The following MACROD2 variants were observed in gnomAD, a reference collection of about 807,000 sequenced individuals.
MACROD2 encodes the protein ADP-ribose glycohydrolase MACROD2.
A neutral mutation model predicts 70.4 loss-of-function variants in MACROD2; 36 were observed. The observed-to-expected ratio is 0.51, with a 90% CI of 0.39 to 0.68. The LOEUF is 0.68. Among genes scored for constraint, MACROD2 ranks in the 30% least tolerant of loss-of-function variants. The probability of loss-of-function intolerance (pLI) is 0.00; values close to 1 mark genes in which losing one functional copy is unlikely to be tolerated. For missense variants in MACROD2, 496 were observed against 538.4 expected, an observed-to-expected ratio of 0.92 and a Z score of 0.78; for synonymous variants, 172 against 178.8, an observed-to-expected ratio of 0.96 and a Z score of 0.30.
At chr20:15,578,072 G>A (rs1309875773) in intron 8 of MACROD2, among the ~76,000 whole-genome samples, 74 of 152,188 alleles carry the variant, frequency 4.9e-4, no homozygotes, top group Non-Finnish European at 5.9e-5. Flanking sequence ...AACTTTGTAT[G>A]TTTTTGTAGT....
intron 3 of MACROD2, among the ~76,000 whole-genome samples, chr20:14,175,448 A>C (rs2081255884): frequency 6.6e-6 from 1 of 152,000 alleles, no homozygotes; most frequent in South Asian, 2.1e-4. Flanking sequence ...TGAAGTGTGG[A>C]GGGAGGGAAA....
At chr20:15,245,890 TA>T (rs1214595892) in intron 6 of MACROD2, among the ~76,000 whole-genome samples, 4 of 152,348 alleles carry the variant, frequency 2.6e-5, no homozygotes, top group African/African-American at 9.6e-5. Flanking sequence ...TGCACTTTTC[TA>T]ACAGCCTATG....
chr20:15,947,283 C>T (rs1315778037), intron 12 of MACROD2, among the ~76,000 whole-genome samples: 4 of 152,204 alleles, frequency 2.6e-5, no homozygotes, highest in African/African-American at 9.6e-5. Flanking sequence ...CTTTCCCATC[C>T]CACAAGGCCA....
chr20:15,327,267 T>G (rs1207390646), intron 6 of MACROD2, among the ~76,000 whole-genome samples: 1 of 152,162 alleles, frequency 6.6e-6, no homozygotes, highest in Non-Finnish European at 1.5e-5. Flanking sequence ...ATAAGAATAT[T>G]CCCTTTTTCT....
At chr20:14,687,357 A>G (rs1352127927) in intron 5 of MACROD2, among the ~76,000 whole-genome samples, 1 of 152,168 alleles carries the variant, frequency 6.6e-6, no homozygotes, top group African/African-American at 2.4e-5. Context: ...CACTGTGATA[A>G]TTTTTTAAAT....
intron 5 of MACROD2, among the ~76,000 whole-genome samples, chr20:14,913,520 C>T (rs1021831648): frequency 2.0e-5 from 3 of 151,936 alleles, no homozygotes; most frequent in Non-Finnish European, 4.4e-5. Context: ...GACTCCGTCT[C>T]AACAAAAAAT....
At chr20:14,835,886 C>T (rs888032686) in intron 5 of MACROD2, among the ~76,000 whole-genome samples, 7 of 151,940 alleles carry the variant, frequency 4.6e-5, no homozygotes, top group African/African-American at 1.2e-4. Flanking sequence ...TACACTCTTC[C>T]GCATGTAGCT....
At chr20:14,239,312 A>T (rs1393938209) in intron 3 of MACROD2, among the ~76,000 whole-genome samples, 3 of 152,244 alleles carry the variant, frequency 2.0e-5, no homozygotes, top group Non-Finnish European at 4.4e-5. Context: ...AGCAATTTAC[A>T]GATTCAATGC....
intron 5 of MACROD2, among the ~76,000 whole-genome samples, chr20:14,891,009 TCCTA>T (rs1300826368): frequency 7.0e-5 from 7 of 100,054 alleles, no homozygotes; most frequent in East Asian, 3.0e-4. Flanking sequence ...CTCCCTCCCT[TCCTA>T]CCTTCCTTCC....
At chr20:14,692,248 T>C (rs1244569208) in intron 5 of MACROD2, among the ~76,000 whole-genome samples, 1 of 152,192 alleles carries the variant, frequency 6.6e-6, no homozygotes, top group Non-Finnish European at 1.5e-5. Context: ...TGAGGGCCAT[T>C]GCCCTAGAGA....
intron 3 of MACROD2, among the ~76,000 whole-genome samples, chr20:14,268,518 T>TA (rs1354944697): frequency 6.6e-6 from 1 of 152,170 alleles, no homozygotes; most frequent in Non-Finnish European, 1.5e-5. Flanking sequence ...CTTGCTTAGA[T>TA]TCAGATTAGA....
At chr20:15,891,432 G>A (rs2064888214) in intron 10 of MACROD2, among the ~76,000 whole-genome samples, 2 of 152,188 alleles carry the variant, frequency 1.3e-5, no homozygotes, top group Non-Finnish European at 2.9e-5. Flanking sequence ...AAACAGGTGA[G>A]CAATGTGATC....
At chr20:14,658,663 G>T (rs1428661194) in intron 4 of MACROD2, among the ~76,000 whole-genome samples, 1 of 152,084 alleles carries the variant, frequency 6.6e-6, no homozygotes, top group Non-Finnish European at 1.5e-5. Context: ...ACCCAGGCTG[G>T]AGTGCAGTGG....
At chr20:16,032,698 T>A (rs2147585650) in intron 15 of MACROD2, among the ~76,000 whole-genome samples, 1 of 126,048 alleles carries the variant, frequency 7.9e-6, no homozygotes, top group South Asian at 2.5e-4. Flanking sequence ...AGGGAAAAAA[T>A]TAGGATACAG....
intron 3 of MACROD2, among the ~76,000 whole-genome samples, chr20:14,259,890 G>C (rs2082088294): frequency 6.6e-6 from 1 of 152,180 alleles, no homozygotes; most frequent in South Asian, 2.1e-4. Flanking sequence ...TCAATCAGTT[G>C]TTACAGAACA....
chr20:15,845,358 G>A (rs952796185), intron 8 of MACROD2, among the ~76,000 whole-genome samples: 4 of 151,964 alleles, frequency 2.6e-5, no homozygotes, highest in Admixed American at 6.6e-5. Flanking sequence ...CTATGAAGAC[G>A]GTCAGTAACT....
chr20:14,998,587 A>G (rs1394047170), intron 5 of MACROD2, among the ~76,000 whole-genome samples: 2 of 152,186 alleles, frequency 1.3e-5, no homozygotes, highest in Admixed American at 1.3e-4. Flanking sequence ...CAGGAGACAA[A>G]AGGAAAAAAG....
intron 3 of MACROD2, among the ~76,000 whole-genome samples, chr20:14,093,162 G>A (rs1482192309): frequency 6.6e-6 from 1 of 152,048 alleles, no homozygotes; most frequent in African/African-American, 2.4e-5. Context: ...CTCAATGCAG[G>A]CTTGAGCTCC....
chr20:15,055,107 AC>A (rs758503426), intron 5 of MACROD2, among the ~76,000 whole-genome samples: 10 of 151,458 alleles, frequency 6.6e-5, no homozygotes, highest in Non-Finnish European at 1.2e-4. Flanking sequence ...CTTCCACCAC[AC>A]CCAGCTAATT....
Sources: gnomAD v4.1 joint callset for allele counts (sites outside exome capture counted in the v4.1 genomes callset) on GRCh38, gnomAD v4.1.1 for gene constraint, MANE v1.5 for transcripts, NCBI Gene and HGNC (gene_info 2026-07-23, HGNC 2026-07-21) for gene names.